The following HERC3 variants were observed in gnomAD, a reference collection of about 807,000 sequenced individuals.
HERC3 encodes the protein HECT and RLD domain containing E3 ubiquitin protein ligase 3.
In HERC3, 58 loss-of-function variants were observed where a neutral mutation model predicts 129.9. The observed-to-expected ratio is 0.45, with a 90% CI of 0.36 to 0.56. The LOEUF (loss-of-function observed/expected upper bound fraction) is 0.56, where lower values mean the gene tolerates loss of function less well. Among genes scored for constraint, HERC3 ranks in the 20% least tolerant of loss-of-function variants. The probability of loss-of-function intolerance (pLI) is 0.00; values close to 1 mark genes in which losing one functional copy is unlikely to be tolerated. For missense variants in HERC3, 835 were observed against 1,244.2 expected, an observed-to-expected ratio of 0.67 and a Z score of 4.95; for synonymous variants, 430 against 451.0, an observed-to-expected ratio of 0.95 and a Z score of 0.59.
chr4:88,705,819 G>A (rs924416605), intron 25 of HERC3, among the ~76,000 whole-genome samples: 1 of 152,234 alleles, frequency 6.6e-6, no homozygotes, highest in African/African-American at 2.4e-5. Flanking sequence ...TAGTATTAAT[G>A]TAGGACTTAA....
intron 1 of HERC3, chr4:88,593,474 A>C (rs1455033968): frequency 6.6e-6 from 1 of 152,252 alleles, no homozygotes; most frequent in Non-Finnish European, 1.5e-5. Flanking sequence ...ATGTGTATGC[A>C]GCATGAGCTC....
the HERC3 span, among the ~76,000 whole-genome samples, chr4:88,535,921 G>C: frequency 6.6e-6 from 1 of 152,210 alleles, no homozygotes; most frequent in Admixed American, 6.5e-5. Context: ...CATAATGTAA[G>C]ATAGAAAGAT....
At chr4:88,653,595 G>A (rs1729529924) in intron 6 of HERC3, among the ~76,000 whole-genome samples, 1 of 152,238 alleles carries the variant, frequency 6.6e-6, no homozygotes, top group Non-Finnish European at 1.5e-5. Context: ...AAGACCCTGA[G>A]GGTTTGGAGG....
the HERC3 span, among the ~76,000 whole-genome samples, chr4:88,537,790 TA>T: frequency 6.6e-6 from 1 of 152,320 alleles, no homozygotes; most frequent in African/African-American, 2.4e-5. Flanking sequence ...AAATTATTTA[TA>T]AAAACAAGAT....
At chr4:88,697,185 C>G (rs1734684313) in intron 23 of HERC3, 2 of 1,481,590 alleles carry the variant, frequency 1.3e-6, no homozygotes, top group Non-Finnish European at 1.8e-6. Context: ...TGGGCTTTCT[C>G]TTCATCCATC....
intron 2 of HERC3, among the ~76,000 whole-genome samples, chr4:88,598,983 C>T (rs949586776): frequency 4.6e-5 from 7 of 152,160 alleles, no homozygotes; most frequent in Non-Finnish European, 1.0e-4. Context: ...CTATATTTTG[C>T]AGCGAATTTC....
chr4:88,683,617 T>C (rs1024743016), intron 21 of HERC3, among the ~76,000 whole-genome samples: 1 of 152,232 alleles, frequency 6.6e-6, no homozygotes, highest in Non-Finnish European at 1.5e-5. Context: ...CAACTCTTGA[T>C]AGAATTGCAA....
the HERC3 span, among the ~76,000 whole-genome samples, chr4:88,552,325 G>T: frequency 6.6e-6 from 1 of 151,726 alleles, no homozygotes; most frequent in Non-Finnish European, 1.5e-5. Flanking sequence ...TTGTGTCTCA[G>T]AGTCCATTCT....
chr4:88,680,092 G>A lies in HERC3; in HGVS notation c.2197-1G>A. ...CATTAATTCTATTCTATTATTTTAA[G>A]GTAATCTTTGATGGTGAAGAAGCAG... On this transcript the variant is annotated splice_acceptor_variant, in intron 19 of 25. Transcript: ENST00000402738. LOFTEE classifies it high-confidence loss of function. 3 of 1,608,150 alleles carry A rather than the reference G, an allele frequency of 1.9e-6. No homozygotes were observed. The highest frequency in any genetic ancestry group is 2.5e-6 in the Non-Finnish European group (3 of 1,177,946).
At chr4:88,695,603 CTCTT>C (rs996982467) in intron 23 of HERC3, among the ~76,000 whole-genome samples, 2 of 152,202 alleles carry the variant, frequency 1.3e-5, no homozygotes, top group Non-Finnish European at 2.9e-5. Flanking sequence ...GTAGTGATGT[CTCTT>C]TCTCCCATTT....
chr4:88,524,020 T>C, the HERC3 span: 1 of 368,932 alleles, frequency 2.7e-6, no homozygotes. Context: ...TGTCCAAGGA[T>C]GCTAGGAAGC....
intron 16 of HERC3, among the ~76,000 whole-genome samples, chr4:88,674,039 A>G (rs1731892109): frequency 6.6e-6 from 1 of 151,896 alleles, no homozygotes; most frequent in Non-Finnish European, 1.5e-5. Flanking sequence ...CAGCCATCCC[A>G]CTCAACAGAG....
intron 23 of HERC3, chr4:88,697,257 C>T: frequency 6.4e-7 from 1 of 1,560,828 alleles, no homozygotes; most frequent in South Asian, 1.2e-5. Flanking sequence ...CATGTTTGGC[C>T]CCCGCGGCAG....
chr4:88,605,588 T>G (rs1723537002), intron 2 of HERC3, among the ~76,000 whole-genome samples: 1 of 152,188 alleles, frequency 6.6e-6, no homozygotes, highest in South Asian at 2.1e-4. Flanking sequence ...TATTTAAACT[T>G]CTTTTTTAAA....
chr4:88,655,047 T>G, intron 7 of HERC3, 127 bp from the exon 8 acceptor site: 6 of 758,938 alleles, frequency 7.9e-6, no homozygotes, highest in East Asian at 2.8e-5. Context: ...TACAAAGTGA[T>G]TTTGGCCAAG....
chr4:88,707,249 T>C lies in HERC3; in HGVS notation c.*289T>C. The C allele has an allele frequency of 2.8e-6, 1 of 354,210 alleles. No homozygotes were observed. The highest frequency in any genetic ancestry group is 5.2e-6 in the Non-Finnish European group (1 of 192,564). The allele number at this position is 354,210 out of a possible 1,614,324, so 21.9% of individuals were successfully genotyped here. A position where few individuals can be genotyped will look rare whatever the true frequency, so the allele number is the denominator to read the frequency against. On this transcript the variant is annotated 3_prime_UTR_variant, in exon 26 of 26. Coordinates refer to ENST00000402738, the MANE Select transcript of HERC3 (RefSeq NM_014606.3). ...CCTTGCACTTGTGAATGTGTTGCAC[T>C]CTGCTGGATGAAATGGCAGTGGATT... is the stretch of plus-strand genomic sequence containing the variant.
intron 23 of HERC3, chr4:88,697,854 G>T: frequency 2.7e-6 from 4 of 1,469,616 alleles, no homozygotes; most frequent in Admixed American, 2.4e-5. Context: ...TGGCGGTGAC[G>T]TGCGGCCGCG....
intron 19 of HERC3, among the ~76,000 whole-genome samples, chr4:88,679,616 T>G (rs988021012): frequency 6.6e-6 from 1 of 151,376 alleles, no homozygotes; most frequent in Non-Finnish European, 1.5e-5. Context: ...GCCTCCCACA[T>G]TCAAGCGACA....
At chr4:88,590,529 A>C (rs1046126630), upstream of HERC3, among the ~76,000 whole-genome samples, 1 of 152,222 alleles carries the variant, frequency 6.6e-6, no homozygotes, top group African/African-American at 2.4e-5. Flanking sequence ...ACTGCACTCC[A>C]GCCTGGGCGA....
Sources: allele counts gnomAD v4.1 joint callset (sites outside exome capture counted in the v4.1 genomes callset), GRCh38; gene constraint gnomAD v4.1.1; transcripts MANE v1.5; gene names NCBI Gene and HGNC (gene_info 2026-07-23, HGNC 2026-07-21).